Variants in CAST observed in about 807,000 individuals in gnomAD.
CAST encodes MIR583 host.
A neutral mutation model predicts 119.6 loss-of-function variants in CAST; 76 were observed. The ratio of observed to expected loss-of-function variants is 0.64; its 90% CI spans 0.53 to 0.77. The LOEUF is 0.77. Ranked by LOEUF, CAST falls within the 30% of genes least tolerant of loss-of-function variation. The pLI is 0.00. For synonymous variants in CAST, 319 were observed against 331.6 expected, an observed-to-expected ratio of 0.96 and a Z score of 0.41; for missense variants, 953 against 946.5, an observed-to-expected ratio of 1.01 and a Z score of -0.09.
chr5:96,239,311 T>C, the CAST span, among the ~76,000 whole-genome samples: 3 of 152,158 alleles, frequency 2.0e-5, no homozygotes, highest in African/African-American at 7.2e-5. Context: ...GTTTTATTAT[T>C]AATTTTATTT....
chr5:96,513,600 A>G, the CAST span, among the ~76,000 whole-genome samples: 2,424 of 152,330 alleles, frequency 0.016, 73 homozygotes, highest in African/African-American at 0.056. Flanking sequence ...GAGCCACAGA[A>G]AAGTAAGCCA....
At chr5:96,689,470 C>T (rs192361979) in intron 2 of CAST, among the ~76,000 whole-genome samples, 19 of 152,194 alleles carry the variant, frequency 1.2e-4, no homozygotes, top group Middle Eastern at 3.4e-3. Flanking sequence ...AAGAGAATAC[C>T]GTAAGCATTT....
At chr5:96,729,276 T>G (rs1489233420) in intron 7 of CAST, 67 bp downstream of exon 7, 6 of 903,886 alleles carry the variant, frequency 6.6e-6, no homozygotes, top group Non-Finnish European at 1.1e-5. Context: ...TTAAAATCTT[T>G]CATTAATTCA....
the CAST span, among the ~76,000 whole-genome samples, chr5:96,168,029 A>G: frequency 2.0e-5 from 3 of 152,192 alleles, no homozygotes; most frequent in African/African-American, 7.2e-5. Context: ...TGTAACTTAC[A>G]TAGAAGAAGT....
rs27531 is a variant in CAST, at chr5:96,728,929, A to C, written c.379-224A>C. ...ATTCAGATGAAATACTGAATTTTTCATTATTCTGATAATCACCATTCTCAG... is the reference window on the plus strand; with the variant it reads ...ATTCAGATGAAATACTGAATTTTTCCTTATTCTGATAATCACCATTCTCAG... On this transcript the variant is annotated intron_variant, in intron 6 of 31. Transcript: ENST00000675179. The C allele has an allele frequency of 0.22, 104,147 of 483,976 alleles. 12,280 individuals carry two copies. Among genetic ancestry groups the C allele is most frequent in the East Asian group, 0.34 (9,280 of 26,976 alleles). The allele number at this position is 483,976 out of a possible 1,614,324, so 30.0% of individuals were successfully genotyped here.
chr5:96,249,439 T>G, the CAST span, among the ~76,000 whole-genome samples: 1 of 152,210 alleles, frequency 6.6e-6, no homozygotes, highest in Non-Finnish European at 1.5e-5. Flanking sequence ...AATACTACTT[T>G]CCTCATAGGA....
At chr5:96,508,926 C>T in the CAST span, among the ~76,000 whole-genome samples, 8 of 152,304 alleles carry the variant, frequency 5.3e-5, no homozygotes, top group African/African-American at 1.9e-4. Flanking sequence ...ATCTATGTCT[C>T]ACTTCCTTGC....
At chr5:96,122,552 C>G in the CAST span, among the ~76,000 whole-genome samples, 6 of 152,262 alleles carry the variant, frequency 3.9e-5, no homozygotes, top group Admixed American at 2.0e-4. Flanking sequence ...TAAAGTCGAA[C>G]TTGTTTGAGA....
the CAST span, among the ~76,000 whole-genome samples, chr5:96,029,330 G>A: frequency 6.6e-6 from 1 of 151,958 alleles, no homozygotes; most frequent in East Asian, 1.9e-4. Flanking sequence ...ATTAGCAAAA[G>A]CTTAGAAAAA....
intron 1 of CAST, among the ~76,000 whole-genome samples, chr5:96,674,750 G>C (rs1455226265): frequency 1.3e-5 from 2 of 152,174 alleles, no homozygotes; most frequent in African/African-American, 4.8e-5. Context: ...CTATTGCACA[G>C]TAGGGTGACT....
At chr5:96,258,403 A>C in the CAST span, among the ~76,000 whole-genome samples, 1 of 152,206 alleles carries the variant, frequency 6.6e-6, no homozygotes, top group Non-Finnish European at 1.5e-5. Flanking sequence ...TTCATTTTGA[A>C]AAAATCATAG....
Position 96,723,116 on chromosome 5 carries a change from TTTTG to T in CAST, c.270+442_270+445del, listed in dbSNP as rs1554086264. ...CACCACCATGCCCGGCTAATTGTTT[TTTTG>T]TTTGTTTGTTTGTTTGTTTGTTTTT... On this transcript the variant is annotated intron_variant, in intron 4 of 31. Coordinates refer to ENST00000675179, the MANE Select transcript of CAST (RefSeq NM_001750.7). Among the ~76,000 whole-genome samples, 90 of 152,008 alleles carry T rather than the reference TTTTG, an allele frequency of 5.9e-4. 1 individual carries two copies. The highest frequency in any genetic ancestry group is 1.7e-3 in the African/African-American group (71 of 41,430).
chr5:96,749,023 C>CA (rs35900135), intron 19 of CAST, among the ~76,000 whole-genome samples: 5 of 151,992 alleles, frequency 3.3e-5, no homozygotes, highest in African/African-American at 2.4e-5. Flanking sequence ...CCCATCCCTA[C>CA]AAAAAAAAGT....
chr5:96,096,198 A>G, the CAST span, among the ~76,000 whole-genome samples: 2 of 152,218 alleles, frequency 1.3e-5, no homozygotes, highest in African/African-American at 4.8e-5. Flanking sequence ...GGGAACCTCC[A>G]TGTATACTGG....
chr5:96,646,225 G>A lies in CAST; in HGVS notation c.61-29314G>A, dbSNP rs78868032. Among the ~76,000 whole-genome samples the A allele has an allele frequency of 9.5e-3, 1,445 of 152,280 alleles. 28 individuals carry two copies. Among genetic ancestry groups the A allele is most frequent in the African/African-American group, 0.033 (1,374 of 41,556 alleles). ...AATTTGGCAAATATCTGTCCAAAATGTTGTAATTATGCATCTTTTGACTAG... is the reference window on the plus strand; with the variant it reads ...AATTTGGCAAATATCTGTCCAAAATATTGTAATTATGCATCTTTTGACTAG... On this transcript the variant is annotated intron_variant, in intron 1 of 11. Transcript: ENST00000505143.
the CAST span, among the ~76,000 whole-genome samples, chr5:96,328,834 A>G: frequency 3.3e-5 from 5 of 152,294 alleles, no homozygotes; most frequent in Non-Finnish European, 7.4e-5. Context: ...CATCAGGTAA[A>G]GCTCTGCCTC....
the CAST span, among the ~76,000 whole-genome samples, chr5:95,974,351 CA>C: frequency 6.6e-6 from 1 of 152,144 alleles, no homozygotes; most frequent in Admixed American, 6.5e-5. Flanking sequence ...AGTGCCTCAG[CA>C]ACTGAACTTT....
At chr5:96,131,928 T>C in the CAST span, among the ~76,000 whole-genome samples, 1 of 152,006 alleles carries the variant, frequency 6.6e-6, no homozygotes, top group Admixed American at 6.6e-5. Flanking sequence ...TCAGCAAGAG[T>C]AGCAGGGTAC....
chr5:96,366,345 T>C, the CAST span, among the ~76,000 whole-genome samples: 9 of 152,226 alleles, frequency 5.9e-5, no homozygotes, highest in East Asian at 1.7e-3. Context: ...TGTGGCATTC[T>C]CTGTATTTCC....
Sources: allele counts gnomAD v4.1 joint callset (sites outside exome capture counted in the v4.1 genomes callset), GRCh38; gene constraint gnomAD v4.1.1; transcripts MANE v1.5; gene names NCBI Gene and HGNC (gene_info 2026-07-23, HGNC 2026-07-21).